The following HEXA variants were observed in gnomAD, a reference collection of about 807,000 sequenced individuals.
HEXA encodes the protein beta-hexosaminidase subunit alpha.
A neutral mutation model predicts 73.3 loss-of-function variants in HEXA; 54 were observed. The observed-to-expected ratio is 0.74, with a 90% CI of 0.59 to 0.92. HEXA has a LOEUF of 0.92. Among genes scored for constraint, HEXA ranks in the 40% least tolerant of loss-of-function variants. The pLI, the probability that HEXA is intolerant of heterozygous loss-of-function variation, is 0.00. For synonymous variants in HEXA, 230 were observed against 246.9 expected, an observed-to-expected ratio of 0.93 and a Z score of 0.64; for missense variants, 649 against 653.0, an observed-to-expected ratio of 0.99 and a Z score of 0.07.
Position 72,341,627 on chromosome 15 carries a change from T to C in HEXA, c.*2450A>G, listed in dbSNP as rs2088555923. ...TGCACAGCACACAAGATGGCCTGTG[T>C]TCCGCTCAGGGGTGGGACTTTCAAT... On this transcript the variant is annotated 3_prime_UTR_variant, in exon 14 of 14. Coordinates refer to ENST00000268097, the MANE Select transcript of HEXA (RefSeq NM_000520.6). 1 of 152,220 alleles carries C rather than the reference T, an allele frequency of 6.6e-6. No individual in the cohort carries two copies. The highest frequency in any genetic ancestry group is 2.1e-4 in the South Asian group (1 of 4,834). 9.4% of individuals were successfully genotyped at this position (152,220 alleles called of 1,614,324 possible).
rs772581459 is a variant in HEXA at position 72,351,148 on chromosome 15, T to C, written c.657A>G (p.Pro219=). 2 of 1,606,284 alleles carry C rather than the reference T, an allele frequency of 1.2e-6. No homozygotes were observed. The highest frequency in any genetic ancestry group is 8.5e-7 in the Non-Finnish European group (1 of 1,172,794). ...GGGAACATACCTTTCTCATGAGCTC[T>C]GGAAAAGTGAAGCTCTCATATGGGA... ...PSFPYESFTF[P]ELMRKGSYNP... Residue 219 remains proline (P), a synonymous_variant, in exon 6 of 14, where the codon CCA becomes CCG. Transcript: ENST00000268097.
At chr15:72,359,392 T>A (rs1457233907) in intron 1 of HEXA, 1 of 152,090 alleles carries the variant, frequency 6.6e-6, no homozygotes, top group African/African-American at 2.4e-5. Context: ...TATCTTTTTT[T>A]AAAATCAAAA....
chr15:72,370,811 C>T, intron 1 of HEXA: 1 of 393,016 alleles, frequency 2.5e-6, no homozygotes, highest in Non-Finnish European at 4.5e-6. Flanking sequence ...AAATATGACA[C>T]TTATTTTGCC....
chr15:72,356,141 C>A (rs1256726835), intron 2 of HEXA, among the ~76,000 whole-genome samples: 1 of 152,194 alleles, frequency 6.6e-6, no homozygotes, highest in East Asian at 1.9e-4. Context: ...TCAGGGAAGA[C>A]AGGAGGCAGT....
At chr15:72,362,033 A>G (rs1343077756) in intron 1 of HEXA, among the ~76,000 whole-genome samples, 2 of 152,226 alleles carry the variant, frequency 1.3e-5, no homozygotes, top group Admixed American at 1.3e-4. Context: ...TTCAGAATAC[A>G]GTCCAGAATT....
intron 1 of HEXA, among the ~76,000 whole-genome samples, chr15:72,367,956 T>C (rs940238345): frequency 6.8e-6 from 1 of 147,020 alleles, no homozygotes; most frequent in Non-Finnish European, 1.5e-5. Context: ...CCAAAGTACC[T>C]TGTGCTTCAG....
At chr15:72,373,862 G>T (rs1276432003) in intron 1 of HEXA, among the ~76,000 whole-genome samples, 1 of 152,064 alleles carries the variant, frequency 6.6e-6, no homozygotes, top group Non-Finnish European at 1.5e-5. Flanking sequence ...AGCTGGGCGT[G>T]GTGGCAAGCA....
rs1251810989 is a variant in HEXA at position 72,342,144 on chromosome 15, C to T, written c.*1933G>A. The T allele has an allele frequency of 6.6e-6, 1 of 152,350 alleles. No homozygotes were observed. The highest frequency in any genetic ancestry group is 2.4e-5 in the African/African-American group (1 of 41,466). The allele number at this position is 152,350 out of a possible 1,614,324, so 9.4% of individuals were successfully genotyped here. Reference sequence around the variant, plus strand: ...CTGGGTAATAGAGGTAAGGGGGCTCCTGTGGTGGGTGCCAGTGCTGGGACC... The same window carrying T: ...CTGGGTAATAGAGGTAAGGGGGCTCTTGTGGTGGGTGCCAGTGCTGGGACC... On this transcript the variant is annotated 3_prime_UTR_variant, in exon 14 of 14. Transcript: ENST00000268097.
At chr15:72,367,454 G>T (rs1166329945) in intron 1 of HEXA, among the ~76,000 whole-genome samples, 1 of 152,084 alleles carries the variant, frequency 6.6e-6, no homozygotes, top group Non-Finnish European at 1.5e-5. Context: ...TGTCCTTACA[G>T]CCATCAACCC....
In HEXA at chr15:72,353,011, C is replaced by T. The variant is rs12440768; in HGVS notation, c.570+57G>A. The T allele has an allele frequency of 0.049, 50,927 of 1,042,952 alleles. 1,590 individuals carry two copies. Among genetic ancestry groups the T allele is most frequent in the East Asian group, 0.15 (6,127 of 42,016 alleles). 64.6% of individuals were successfully genotyped at this position (1,042,952 alleles called of 1,614,324 possible). A position where few individuals can be genotyped will look rare whatever the true frequency, so the allele number is the denominator to read the frequency against. On this transcript the variant is annotated intron_variant, in intron 5 of 13. Transcript: ENST00000268097. Reference sequence around the variant, plus strand: ...TTAAGAATTTGGAACTTGGTCTGTCCGTTGCTCCATCACCCTAGAACTCTT... The same window carrying T: ...TTAAGAATTTGGAACTTGGTCTGTCTGTTGCTCCATCACCCTAGAACTCTT...
chr15:72,362,324 T>C (rs908320816), intron 1 of HEXA: 2 of 394,790 alleles, frequency 5.1e-6, no homozygotes, highest in Admixed American at 3.0e-5. Context: ...TATACATACA[T>C]TTTTCAAAAC....
At chr15:72,355,694 C>A in intron 2 of HEXA, 70 bp from the exon 3 acceptor site, 23 of 994,542 alleles carry the variant, frequency 2.3e-5, no homozygotes, top group Non-Finnish European at 3.4e-5. Context: ...ACCAGATATT[C>A]TATATAAATC....
chr15:72,351,438 CT>C (rs1320416381), intron 5 of HEXA: 7 of 633,970 alleles, frequency 1.1e-5, no homozygotes, highest in African/African-American at 3.6e-5. Flanking sequence ...CACACTTCTA[CT>C]TTTCCCAGAA....
chr15:72,348,206 T>C (rs908394827), intron 8 of HEXA, 72 bp from the exon 9 acceptor site: 7 of 990,664 alleles, frequency 7.1e-6, no homozygotes, highest in Non-Finnish European at 1.1e-5. Context: ...ATTAGTCACC[T>C]GGCCCCCTAT....
chr15:72,370,409 G>T, intron 1 of HEXA: 1 of 386,448 alleles, frequency 2.6e-6, no homozygotes. Context: ...TCATGCTTTA[G>T]GTAATAAATG....
intron 12 of HEXA, 74 bp downstream of exon 12, chr15:72,346,161 G>C: frequency 9.5e-7 from 1 of 1,051,836 alleles, no homozygotes; most frequent in Non-Finnish European, 1.5e-6. Flanking sequence ...GAGGTGGCTA[G>C]ATGGGATTGG....
At position 72,353,183 on chromosome 15, in the gene HEXA, G is replaced by A; in HGVS notation, c.460-5C>T. The A allele has an allele frequency of 6.4e-7, 1 of 1,553,216 alleles. No homozygotes were observed. Among genetic ancestry groups the A allele is most frequent in the Non-Finnish European group, 8.9e-7 (1 of 1,125,416 alleles). Reference sequence around the variant, plus strand: ...CTCAGTCTTGTTGATAAAGAACTGTGCAGAACAAACATTGAACATGTCAGT... The same window carrying A: ...CTCAGTCTTGTTGATAAAGAACTGTACAGAACAAACATTGAACATGTCAGT... On this transcript the variant is annotated splice_polypyrimidine_tract_variant and splice_region_variant and intron_variant, in intron 4 of 13. Coordinates refer to ENST00000268097, the MANE Select transcript of HEXA (RefSeq NM_000520.6).
chr15:72,344,470 T>A (rs891243862), intron 13 of HEXA, among the ~76,000 whole-genome samples: 5 of 152,196 alleles, frequency 3.3e-5, no homozygotes, highest in Non-Finnish European at 7.4e-5. Flanking sequence ...TAGATGGATG[T>A]CTGAAAGGCA....
rs371092265 is a variant in HEXA, at chr15:72,370,697, T to TAAAAAAAAAAATAG, written c.253+5022_253+5023insCTATTTTTTTTTTT. On this transcript the variant is annotated intron_variant, in intron 1 of 13. Transcript: ENST00000268097. Reference sequence around the variant, plus strand: ...GAATGACAGAGAAAGACCTGTTTCTTAAAAAAAAAAAGAAAGAAAAGAAAA... The same window carrying TAAAAAAAAAAATAG: ...GAATGACAGAGAAAGACCTGTTTCTTAAAAAAAAAAATAGAAAAAAAAAAAGAAAGAAAAGAAAA... 207 of 339,586 alleles carry TAAAAAAAAAAATAG rather than the reference T, an allele frequency of 6.1e-4. 2 individuals carry two copies. The highest frequency in any genetic ancestry group is 4.0e-3 in the African/African-American group (176 of 43,522). 21.0% of individuals were successfully genotyped at this position (339,586 alleles called of 1,614,324 possible). A position where few individuals can be genotyped will look rare whatever the true frequency, so the allele number is the denominator to read the frequency against.
Sources: gnomAD v4.1 joint callset for allele counts (sites outside exome capture counted in the v4.1 genomes callset) on GRCh38, gnomAD v4.1.1 for gene constraint, MANE v1.5 for transcripts, NCBI Gene and HGNC (gene_info 2026-07-23, HGNC 2026-07-21) for gene names.